Variants in NT5C2 observed in about 807,000 individuals in gnomAD.
NT5C2 encodes 5'-nucleotidase, cytosolic II.
NT5C2 carries 58 observed loss-of-function variants against 76.1 expected under a neutral mutation model. The observed-to-expected ratio is 0.76, with a 90% CI of 0.62 to 0.95. NT5C2 has a LOEUF of 0.95. Among genes scored for constraint, NT5C2 ranks in the 40% least tolerant of loss-of-function variants. The pLI is 0.00. For synonymous variants in NT5C2, 229 were observed against 237.4 expected, an observed-to-expected ratio of 0.96 and a Z score of 0.32; for missense variants, 478 against 690.3, an observed-to-expected ratio of 0.69 and a Z score of 3.45.
chr10:103,116,290 T>C (rs951549675), intron 4 of NT5C2, among the ~76,000 whole-genome samples: 1 of 152,198 alleles, frequency 6.6e-6, no homozygotes, highest in African/African-American at 2.4e-5. Flanking sequence ...CTATTTTGGA[T>C]TTTTGTTTCA....
At chr10:103,179,224 G>A (rs144176678) in intron 2 of NT5C2, among the ~76,000 whole-genome samples, 12 of 152,176 alleles carry the variant, frequency 7.9e-5, no homozygotes, top group African/African-American at 2.6e-4. Context: ...TGGGATTACA[G>A]GTGTGAGCCA....
At chr10:103,132,710 C>T (rs368541970) in intron 4 of NT5C2, among the ~76,000 whole-genome samples, 13 of 152,076 alleles carry the variant, frequency 8.5e-5, no homozygotes, top group East Asian at 1.9e-4. Context: ...CCACCACGCC[C>T]GGCTAATTTT....
chr10:103,171,780 C>T (rs941216462), intron 3 of NT5C2, among the ~76,000 whole-genome samples: 1 of 152,096 alleles, frequency 6.6e-6, no homozygotes, highest in African/African-American at 2.4e-5. Flanking sequence ...CAATTTAGGC[C>T]GGGCTCAGTG....
intron 3 of NT5C2, among the ~76,000 whole-genome samples, chr10:103,173,151 C>A (rs1295293164): frequency 6.6e-6 from 1 of 152,092 alleles, no homozygotes; most frequent in Non-Finnish European, 1.5e-5. Context: ...GCCTGGCCTA[C>A]ACTTTTAAAG....
intron 4 of NT5C2, among the ~76,000 whole-genome samples, chr10:103,131,379 G>A (rs982533510): frequency 6.6e-6 from 1 of 152,172 alleles, no homozygotes; most frequent in Non-Finnish European, 1.5e-5. Context: ...AAGTTCATAT[G>A]CTGAAATATA....
chr10:103,119,060 T>G (rs2075077157), intron 4 of NT5C2, among the ~76,000 whole-genome samples: 1 of 152,192 alleles, frequency 6.6e-6, no homozygotes, highest in Non-Finnish European at 1.5e-5. Flanking sequence ...ATTCACAAAC[T>G]GATAAATCTC....
intron 4 of NT5C2, among the ~76,000 whole-genome samples, chr10:103,128,139 T>C (rs1416755756): frequency 1.3e-5 from 2 of 148,936 alleles, no homozygotes; most frequent in African/African-American, 2.4e-5. Flanking sequence ...GAAGCTGGAC[T>C]GTACTGCTGC....
In NT5C2 at chr10:103,106,707, C is replaced by CT; in HGVS notation, c.176-2dup. On this transcript the variant is annotated splice_acceptor_variant, in intron 4 of 18. Coordinates refer to ENST00000404739, the MANE Select transcript of NT5C2 (RefSeq NM_001351169.2). LOFTEE classifies it high-confidence loss of function. ...GACTCATACTCTGGGGACTTGTACA[C>CT]TGCACAAAGAGGAGGTTTTCATTAG... The CT allele has an allele frequency of 6.4e-7, 1 of 1,558,494 alleles. No individual in the cohort carries two copies. The highest frequency in any genetic ancestry group is 8.8e-7 in the Non-Finnish European group (1 of 1,130,330).
intron 10 of NT5C2, chr10:103,098,685 T>A (rs2068800452): frequency 2.2e-6 from 1 of 453,098 alleles, no homozygotes; most frequent in East Asian, 3.9e-5. Context: ...AATGCAATAC[T>A]GAGTCTTCTT....
chr10:103,089,536 C>A lies in NT5C2; in HGVS notation c.*136G>T. ...AAACAAGTATCTATGATAATAAAAT[C>A]TTCAGAAACTTTTCAGACGTACCTT... On this transcript the variant is annotated 3_prime_UTR_variant, in exon 19 of 19. Coordinates refer to ENST00000404739, the MANE Select transcript of NT5C2 (RefSeq NM_001351169.2). 3 of 1,402,476 alleles carry A rather than the reference C, an allele frequency of 2.1e-6. No homozygotes were observed. Among genetic ancestry groups the A allele is most frequent in the Non-Finnish European group, 2.8e-6 (3 of 1,069,756 alleles). The allele number at this position is 1,402,476 out of a possible 1,614,324, so 86.9% of individuals were successfully genotyped here.
At chr10:103,098,836 C>T in intron 10 of NT5C2, 95 bp downstream of exon 10, 1 of 881,402 alleles carries the variant, frequency 1.1e-6, no homozygotes. Flanking sequence ...CAAATCTCTT[C>T]TTTTGTCCAT....
At chr10:103,094,106 C>G (rs2067575022) in intron 13 of NT5C2, 68 bp from the exon 14 acceptor site, 1 of 1,234,508 alleles carries the variant, frequency 8.1e-7, no homozygotes, top group Admixed American at 1.7e-5. Flanking sequence ...ACCCCACAAC[C>G]CTCCCATCCC....
At chr10:103,178,224 T>C (rs181801661) in intron 2 of NT5C2, among the ~76,000 whole-genome samples, 28 of 152,306 alleles carry the variant, frequency 1.8e-4, no homozygotes, top group African/African-American at 4.8e-4. Context: ...AGATGGATCA[T>C]AGACCTAAAC....
chr10:103,118,038 C>A (rs1290313702), intron 4 of NT5C2, among the ~76,000 whole-genome samples: 2 of 152,096 alleles, frequency 1.3e-5, no homozygotes, highest in East Asian at 3.8e-4. Context: ...AATAAGGTGA[C>A]TATATGAAGG....
chr10:103,184,398 C>G (rs2091738296), intron 1 of NT5C2, among the ~76,000 whole-genome samples: 1 of 152,218 alleles, frequency 6.6e-6, no homozygotes, highest in Non-Finnish European at 1.5e-5. Context: ...CAAACTCCAA[C>G]TAATAACATC....
At chr10:103,102,597 G>C (rs1009597852) in intron 6 of NT5C2, among the ~76,000 whole-genome samples, 2 of 151,088 alleles carry the variant, frequency 1.3e-5, no homozygotes, top group Non-Finnish European at 2.9e-5. Flanking sequence ...CGTGATCTCA[G>C]CTCACTCATA....
At chr10:103,135,997 GA>G (rs1186235145) in intron 4 of NT5C2, among the ~76,000 whole-genome samples, 1 of 152,138 alleles carries the variant, frequency 6.6e-6, no homozygotes, top group Non-Finnish European at 1.5e-5. Flanking sequence ...TGAGGCAGGA[GA>G]ATCTCTTGAA....
intron 1 of NT5C2, among the ~76,000 whole-genome samples, chr10:103,183,390 A>T (rs2091545489): frequency 7.0e-6 from 1 of 142,036 alleles, no homozygotes; most frequent in Non-Finnish European, 1.5e-5. Flanking sequence ...CTAGTTTTAA[A>T]CTGTTCTTTA....
intron 1 of NT5C2, among the ~76,000 whole-genome samples, chr10:103,185,206 CTG>C (rs1437108858): frequency 6.6e-6 from 1 of 152,120 alleles, no homozygotes; most frequent in Non-Finnish European, 1.5e-5. Flanking sequence ...TTTTAAAAGA[CTG>C]AGCTATTTCT....
Sources: gnomAD v4.1 joint callset for allele counts (sites outside exome capture counted in the v4.1 genomes callset) on GRCh38, gnomAD v4.1.1 for gene constraint, MANE v1.5 for transcripts, NCBI Gene and HGNC (gene_info 2026-07-23, HGNC 2026-07-21) for gene names.